Variants in SCD5 observed in about 807,000 individuals in gnomAD.
SCD5 encodes the protein acyl-CoA-desaturase 4.
A neutral mutation model predicts 30.4 loss-of-function variants in SCD5; 20 were observed. The ratio of observed to expected loss-of-function variants is 0.66; its 90% CI spans 0.46 to 0.96. The LOEUF (loss-of-function observed/expected upper bound fraction) is 0.96. SCD5 is among the 40% of genes least tolerant of loss of function. The probability of loss-of-function intolerance (pLI) is 0.00; values close to 1 mark genes in which losing one functional copy is unlikely to be tolerated. For missense variants in SCD5, 381 were observed against 443.3 expected (o/e 0.86, Z 1.26); for synonymous variants, 173 against 176.4 (o/e 0.98, Z 0.16).
chr4:82,733,660 G>A (rs935029382), intron 1 of SCD5, among the ~76,000 whole-genome samples: 3 of 152,134 alleles, frequency 2.0e-5, no homozygotes, highest in East Asian at 1.9e-4. Context: ...TGAGAATTCC[G>A]TAACAATTTC....
intron 2 of SCD5, among the ~76,000 whole-genome samples, chr4:82,690,286 G>C (rs571856384): frequency 6.6e-6 from 1 of 152,322 alleles, no homozygotes; most frequent in East Asian, 1.9e-4. Context: ...ATGTACAGAG[G>C]AAAGAGCAAG....
chr4:82,751,722 GT>G (rs1721106661), intron 1 of SCD5, among the ~76,000 whole-genome samples: 1 of 152,156 alleles, frequency 6.6e-6, no homozygotes, highest in African/African-American at 2.4e-5. Flanking sequence ...TGACTCCCTG[GT>G]TCAAGCAATT....
chr4:82,635,619 T>TAAAA (rs3972726), intron 4 of SCD5, among the ~76,000 whole-genome samples: 19,838 of 114,134 alleles, frequency 0.17, 2,246 homozygotes, highest in East Asian at 0.33. Context: ...GACTCCGTCT[T>TAAAA]AAAAAAAAAA....
intron 1 of SCD5, among the ~76,000 whole-genome samples, chr4:82,740,497 T>C (rs1435592166): frequency 2.0e-5 from 3 of 152,216 alleles, no homozygotes; most frequent in African/African-American, 7.2e-5. Context: ...ATCCAATCTA[T>C]AGTGAAGTTC....
intron 2 of SCD5, among the ~76,000 whole-genome samples, chr4:82,704,590 T>C (rs115018388): frequency 0.014 from 2,103 of 152,326 alleles, 20 homozygotes; most frequent in Non-Finnish European, 0.02. Flanking sequence ...GCAGTTTTCA[T>C]TGATTTTATA....
intron 1 of SCD5, among the ~76,000 whole-genome samples, chr4:82,714,623 G>A (rs1319227605): frequency 6.6e-6 from 1 of 152,082 alleles, no homozygotes; most frequent in Non-Finnish European, 1.5e-5. Flanking sequence ...AATGAAGGGA[G>A]TAAAACAGGC....
intron 1 of SCD5, among the ~76,000 whole-genome samples, chr4:82,717,670 C>T (rs1247700207): frequency 6.6e-6 from 1 of 151,318 alleles, no homozygotes; most frequent in Non-Finnish European, 1.5e-5. Flanking sequence ...AATCCCAGCA[C>T]TTTCGGAGGC....
At chr4:82,701,879 C>T (rs1270561965) in intron 2 of SCD5, among the ~76,000 whole-genome samples, 1 of 152,154 alleles carries the variant, frequency 6.6e-6, no homozygotes, top group Non-Finnish European at 1.5e-5. Context: ...CAGCACAAAT[C>T]TGAATCCTGG....
intron 3 of SCD5, among the ~76,000 whole-genome samples, chr4:82,668,483 A>C (rs1728239072): frequency 6.6e-6 from 1 of 152,246 alleles, no homozygotes; most frequent in Non-Finnish European, 1.5e-5. Context: ...TTCACTGTTC[A>C]ATCTACAGCA....
At chr4:82,689,447 T>C (rs1728784852) in intron 2 of SCD5, among the ~76,000 whole-genome samples, 1 of 152,150 alleles carries the variant, frequency 6.6e-6, no homozygotes. Context: ...ACTGGGGTAA[T>C]TTGGTCATTA....
At position 82,790,182 on chromosome 4, in the gene SCD5, G is replaced by T. The variant is rs941918321; in HGVS notation, c.232+8124C>A. 4.6e-5 allele frequency among the ~76,000 whole-genome samples: 7 copies of T among 152,108 alleles called. No individual in the cohort carries two copies. The East Asian group carries it at 7.7e-4, about 17-fold the overall frequency. Reference sequence around the variant, plus strand: ...AACTTCACACATCCCACCGACAAGTGCTGGTCTAGAAATTGGGCTTGAGAC... The same window carrying T: ...AACTTCACACATCCCACCGACAAGTTCTGGTCTAGAAATTGGGCTTGAGAC... On this transcript the variant is annotated intron_variant, in intron 1 of 4. Transcript: ENST00000319540.
At chr4:82,741,469 C>T (rs1014442015) in intron 1 of SCD5, among the ~76,000 whole-genome samples, 4 of 152,154 alleles carry the variant, frequency 2.6e-5, no homozygotes, top group African/African-American at 9.7e-5. Flanking sequence ...CAGTCAGTGC[C>T]AACCACCAGC....
intron 1 of SCD5, among the ~76,000 whole-genome samples, chr4:82,729,277 T>C (rs1330104991): frequency 6.6e-6 from 1 of 151,970 alleles, no homozygotes; most frequent in Non-Finnish European, 1.5e-5. Flanking sequence ...TCGGGAAGGG[T>C]TTCCCCAGAA....
intron 1 of SCD5, among the ~76,000 whole-genome samples, chr4:82,743,191 G>T (rs1383570761): frequency 1.3e-5 from 2 of 152,188 alleles, no homozygotes; most frequent in East Asian, 3.9e-4. Flanking sequence ...GTAACTTAGA[G>T]TGACAGGAGG....
chr4:82,670,719 A>T (rs1442099913), intron 3 of SCD5, among the ~76,000 whole-genome samples: 1 of 151,946 alleles, frequency 6.6e-6, no homozygotes, highest in Non-Finnish European at 1.5e-5. Flanking sequence ...ATTCCATATC[A>T]ATTGATATGG....
At chr4:82,766,638 T>C (rs1721492730) in intron 1 of SCD5, among the ~76,000 whole-genome samples, 1 of 152,246 alleles carries the variant, frequency 6.6e-6, no homozygotes. Context: ...GCATACCTTG[T>C]AATTTTTTAT....
intron 1 of SCD5, among the ~76,000 whole-genome samples, chr4:82,723,928 A>G (rs1720420876): frequency 6.6e-6 from 1 of 152,266 alleles, no homozygotes; most frequent in African/African-American, 2.4e-5. Context: ...CTGAGGACAC[A>G]TGAAATCTGA....
intron 2 of SCD5, 92 bp from the exon 3 acceptor site, chr4:82,681,004 C>T: frequency 2.0e-6 from 2 of 1,012,564 alleles, no homozygotes; most frequent in African/African-American, 1.6e-5. Flanking sequence ...CCCCACCAGT[C>T]CTCACTGCTG....
Position 82,663,234 on chromosome 4 carries a change from G to A in SCD5, c.569+17473C>T, listed in dbSNP as rs532588035. ...TATGAATGGCTTCACTTTTGTCAAA[G>A]CAAGGAGAAAGAGATGGCTACCACA... On this transcript the variant is annotated intron_variant, in intron 3 of 4. Transcript: ENST00000319540. Among the ~76,000 whole-genome samples, 316 of 152,300 alleles carry A rather than the reference G, an allele frequency of 2.1e-3. 3 individuals are homozygous for A. The highest frequency in any genetic ancestry group is 7.4e-3 in the African/African-American group (307 of 41,582).
Sources: gnomAD v4.1 joint callset for allele counts (sites outside exome capture counted in the v4.1 genomes callset) on GRCh38, gnomAD v4.1.1 for gene constraint, MANE v1.5 for transcripts, NCBI Gene and HGNC (gene_info 2026-07-23, HGNC 2026-07-21) for gene names.